The following POFUT3 variants were observed in gnomAD, a reference collection of about 807,000 sequenced individuals.
POFUT3 encodes GDP-fucose protein O-fucosyltransferase 3.
At chr8:33,360,560 C>A in the POFUT3 span, among the ~76,000 whole-genome samples, 1 of 152,076 alleles carries the variant, frequency 6.6e-6, no homozygotes, top group Non-Finnish European at 1.5e-5. Flanking sequence ...TACTGAAACA[C>A]CTTTTCCTCC....
chr8:33,466,426 C>T, the POFUT3 span, among the ~76,000 whole-genome samples: 3 of 148,718 alleles, frequency 2.0e-5, no homozygotes, highest in Non-Finnish European at 4.4e-5. Context: ...GAGACACTGT[C>T]TCAAAAAAGA....
the POFUT3 span, among the ~76,000 whole-genome samples, chr8:33,327,512 A>G: frequency 3.3e-5 from 5 of 152,074 alleles, no homozygotes; most frequent in Non-Finnish European, 7.4e-5. Flanking sequence ...AAGAAAGTCG[A>G]AGTCTCAGGA....
the POFUT3 span, among the ~76,000 whole-genome samples, chr8:33,340,462 G>A: frequency 6.6e-6 from 1 of 151,270 alleles, no homozygotes; most frequent in Non-Finnish European, 1.5e-5. Context: ...AAATATAAAT[G>A]GTCTAAATAC....
At chr8:33,444,675 A>T in the POFUT3 span, among the ~76,000 whole-genome samples, 4 of 152,038 alleles carry the variant, frequency 2.6e-5, no homozygotes, top group Middle Eastern at 3.4e-3. Context: ...AAAATTAGCC[A>T]GGTGTGGTGG....
the POFUT3 span, among the ~76,000 whole-genome samples, chr8:33,357,147 T>C: frequency 1.3e-5 from 2 of 152,196 alleles, no homozygotes; most frequent in Admixed American, 6.5e-5. Context: ...ATTGACTTGG[T>C]GATGCAGGCT....
At chr8:33,370,170 A>T in the POFUT3 span, among the ~76,000 whole-genome samples, 3 of 15,128 alleles carry the variant, frequency 2.0e-4, no homozygotes, top group Admixed American at 1.6e-3. Context: ...CATCTTTACT[A>T]AAAAAAAAAA....
chr8:33,466,903 G>A, the POFUT3 span, among the ~76,000 whole-genome samples: 2 of 152,196 alleles, frequency 1.3e-5, no homozygotes, highest in African/African-American at 2.4e-5. Context: ...TCAGGAGTTC[G>A]AGACCAGCCC....
the POFUT3 span, among the ~76,000 whole-genome samples, chr8:33,468,961 GA>G: frequency 6.6e-6 from 1 of 152,210 alleles, no homozygotes; most frequent in East Asian, 1.9e-4. Context: ...AAAGTTTTTA[GA>G]AGAAATGTAT....
the POFUT3 span, among the ~76,000 whole-genome samples, chr8:33,365,218 G>A: frequency 1.3e-5 from 2 of 152,288 alleles, no homozygotes; most frequent in Middle Eastern, 3.4e-3. Context: ...GTAGAAAGCT[G>A]AAACTGGATC....
chr8:33,427,853 G>A, the POFUT3 span, among the ~76,000 whole-genome samples: 16 of 152,246 alleles, frequency 1.1e-4, no homozygotes, highest in Middle Eastern at 3.4e-3. Flanking sequence ...TCAGCCTGGC[G>A]CGGTGGCTTA....
At chr8:33,453,028 C>T in the POFUT3 span, 12 of 576,084 alleles carry the variant, frequency 2.1e-5, no homozygotes, top group South Asian at 1.0e-4. Context: ...CCACCACGCC[C>T]GGCCAGGCTT....
chr8:33,417,408 G>A, the POFUT3 span, among the ~76,000 whole-genome samples: 1 of 151,808 alleles, frequency 6.6e-6, no homozygotes, highest in South Asian at 2.1e-4. Flanking sequence ...TCCCCTCCCC[G>A]CCCCACAGTC....
chr8:33,468,368 C>A, the POFUT3 span, among the ~76,000 whole-genome samples: 7 of 152,120 alleles, frequency 4.6e-5, no homozygotes, highest in African/African-American at 1.7e-4. Context: ...GACTCCTTTG[C>A]CCATTTCTGC....
the POFUT3 span, among the ~76,000 whole-genome samples, chr8:33,334,258 C>G: frequency 3.3e-5 from 5 of 152,158 alleles, no homozygotes; most frequent in Admixed American, 6.5e-5. Context: ...CACTCTGTTG[C>G]CCAGGCTTGA....
At chr8:33,469,888 C>T in the POFUT3 span, among the ~76,000 whole-genome samples, 4 of 150,124 alleles carry the variant, frequency 2.7e-5, no homozygotes, top group African/African-American at 9.8e-5. Context: ...CTCTGCCTCC[C>T]GAGTTCAGGC....
the POFUT3 span, among the ~76,000 whole-genome samples, chr8:33,359,010 C>A: frequency 1.3e-5 from 2 of 152,116 alleles, no homozygotes; most frequent in Non-Finnish European, 2.9e-5. Flanking sequence ...AAATAAGTTT[C>A]TTTTCTTTAT....
the POFUT3 span, among the ~76,000 whole-genome samples, chr8:33,380,088 TATATATATACACTATATATATA>T: frequency 1.8e-5 from 1 of 56,292 alleles, no homozygotes; most frequent in Non-Finnish European, 2.9e-5. Flanking sequence ...CTATATATAC[TATATATATACACTATATATATA>T]CTATATATAT....
At chr8:33,338,965 A>G in the POFUT3 span, 3 of 152,222 alleles carry the variant, frequency 2.0e-5, no homozygotes, top group African/African-American at 4.8e-5. Flanking sequence ...TGAAAAAAAG[A>G]TCAGGATCTC....
the POFUT3 span, among the ~76,000 whole-genome samples, chr8:33,405,490 A>C: frequency 6.9e-6 from 1 of 145,628 alleles, no homozygotes; most frequent in African/African-American, 2.6e-5. Context: ...ATTCTTTACA[A>C]AAAAAAAAAT....
Sources: allele counts gnomAD v4.1 joint callset (sites outside exome capture counted in the v4.1 genomes callset), GRCh38; gene constraint gnomAD v4.1.1; transcripts MANE v1.5; gene names NCBI Gene and HGNC (gene_info 2026-07-23, HGNC 2026-07-21).